TRABD2B: variants seen among roughly 807,000 people sequenced by gnomAD.
TRABD2B encodes metalloprotease TIKI2.
A neutral mutation model predicts 40.1 loss-of-function variants in TRABD2B; 14 were observed. That is an observed-to-expected ratio of 0.35 (90% CI 0.23 to 0.55). The LOEUF is 0.55. Ranked by LOEUF, TRABD2B falls within the 20% of genes least tolerant of loss-of-function variation. The pLI is 0.90. For missense variants in TRABD2B, 541 were observed against 648.6 expected, an observed-to-expected ratio of 0.83 and a Z score of 1.80; for synonymous variants, 263 against 277.0, an observed-to-expected ratio of 0.95 and a Z score of 0.50.
At chr1:47,794,556 A>G in intron 4 of TRABD2B, 30 bp downstream of exon 4, 1 of 1,491,046 alleles carries the variant, frequency 6.7e-7, no homozygotes. Flanking sequence ...AGGATTCTGC[A>G]AACAATCCCT....
intron 2 of TRABD2B, among the ~76,000 whole-genome samples, chr1:47,980,591 G>A (rs1437385483): frequency 6.6e-6 from 1 of 152,166 alleles, no homozygotes; most frequent in African/African-American, 2.4e-5. Flanking sequence ...CTCTAGGCTG[G>A]GGGTGGCCCT....
intron 6 of TRABD2B, among the ~76,000 whole-genome samples, chr1:47,768,005 T>C (rs1644328161): frequency 6.6e-6 from 1 of 152,154 alleles, no homozygotes; most frequent in African/African-American, 2.4e-5. Flanking sequence ...CCACCAAGCA[T>C]ATCCTGACTC....
chr1:47,897,391 T>A (rs1310069068), intron 2 of TRABD2B, among the ~76,000 whole-genome samples: 1 of 151,688 alleles, frequency 6.6e-6, no homozygotes, highest in Non-Finnish European at 1.5e-5. Flanking sequence ...ATAGAAGGAG[T>A]AACCTGCGGA....
At position 47,997,164 on chromosome 1, in the gene TRABD2B, C is replaced by A; in HGVS notation, c.-375G>T. 3.1e-6 allele frequency: 3 copies of A among 983,354 alleles called. No homozygotes were observed. The highest frequency in any genetic ancestry group is 3.6e-6 in the Non-Finnish European group (3 of 829,232). The allele number at this position is 983,354 out of a possible 1,614,324, so 60.9% of individuals were successfully genotyped here. ...GAGAACCCGGGGTGCGCAAGGGTCCCGGGGTTATGCTGGGCACCCGGGGCA... is the reference window on the plus strand; with the variant it reads ...GAGAACCCGGGGTGCGCAAGGGTCCAGGGGTTATGCTGGGCACCCGGGGCA... On this transcript the variant is annotated 5_prime_UTR_variant, in exon 1 of 7. Transcript: ENST00000606738.
intron 2 of TRABD2B, among the ~76,000 whole-genome samples, chr1:47,954,009 A>G (rs1444381558): frequency 6.6e-6 from 1 of 152,260 alleles, no homozygotes; most frequent in East Asian, 1.9e-4. Context: ...CATTTAATTC[A>G]AACTGGCATT....
At chr1:47,855,033 C>CT (rs1170856278) in intron 2 of TRABD2B, among the ~76,000 whole-genome samples, 1 of 152,162 alleles carries the variant, frequency 6.6e-6, no homozygotes, top group Non-Finnish European at 1.5e-5. Context: ...TATAAAATGG[C>CT]TCAGAGTACC....
At chr1:47,953,333 T>A (rs1383914076) in intron 2 of TRABD2B, among the ~76,000 whole-genome samples, 1 of 152,176 alleles carries the variant, frequency 6.6e-6, no homozygotes, top group Non-Finnish European at 1.5e-5. Flanking sequence ...TCCTTAGAGC[T>A]TGGAGAGACG....
intron 2 of TRABD2B, among the ~76,000 whole-genome samples, chr1:47,908,901 T>C (rs1644713303): frequency 1.3e-5 from 2 of 152,236 alleles, no homozygotes; most frequent in Middle Eastern, 3.2e-3. Context: ...CCCGAAGACA[T>C]AGCGGACTTC....
At chr1:47,853,507 G>A (rs1181226392) in intron 2 of TRABD2B, among the ~76,000 whole-genome samples, 1 of 152,156 alleles carries the variant, frequency 6.6e-6, no homozygotes, top group Non-Finnish European at 1.5e-5. Context: ...CATCATGTCT[G>A]ACCTCAAACC....
At position 47,764,882 on chromosome 1, in the gene TRABD2B, A is replaced by T. The variant is rs3850878; in HGVS notation, c.*1020T>A. 0.33 allele frequency: 49,452 copies of T among 152,056 alleles called. 8,319 individuals are homozygous for T. The highest frequency in any genetic ancestry group is 0.39 in the Middle Eastern group (115 of 294). The allele number at this position is 152,056 out of a possible 1,614,324, so 9.4% of individuals were successfully genotyped here. A position where few individuals can be genotyped will look rare whatever the true frequency, so the allele number is the denominator to read the frequency against. On this transcript the variant is annotated 3_prime_UTR_variant, in exon 7 of 7. Transcript: ENST00000606738. The stretch of plus-strand genomic sequence containing the variant: ...TCATCTGTGAAATGGGGATAGTCAC[A>T]TCTCACAGAACTAGCGCAAGAATCA...
At chr1:47,830,729 C>A (rs1645236892) in intron 2 of TRABD2B, among the ~76,000 whole-genome samples, 1 of 152,182 alleles carries the variant, frequency 6.6e-6, no homozygotes, top group Admixed American at 6.5e-5. Flanking sequence ...GCCCAGCCTG[C>A]CTGCATTATT....
At chr1:47,769,251 T>A (rs1329482657) in intron 6 of TRABD2B, among the ~76,000 whole-genome samples, 1 of 152,126 alleles carries the variant, frequency 6.6e-6, no homozygotes, top group Non-Finnish European at 1.5e-5. Context: ...TGCTGCCCCA[T>A]CCTTTCAGCC....
At chr1:47,892,594 TAG>T (rs1644463427) in intron 2 of TRABD2B, among the ~76,000 whole-genome samples, 1 of 152,132 alleles carries the variant, frequency 6.6e-6, no homozygotes, top group Non-Finnish European at 1.5e-5. Context: ...CTCCAGAGTT[TAG>T]AGGTCAGAGA....
chr1:47,907,982 ATTTCT>A (rs1644700698), intron 2 of TRABD2B, among the ~76,000 whole-genome samples: 1 of 152,050 alleles, frequency 6.6e-6, no homozygotes, highest in African/African-American at 2.4e-5. Flanking sequence ...AATTTTCCGT[ATTTCT>A]TTTCTTTTCT....
rs1012669104 is a variant in TRABD2B, at chr1:47,778,361, C to T, written c.1079+93G>A. On this transcript the variant is annotated intron_variant, in intron 5 of 6. Coordinates refer to ENST00000606738, the MANE Select transcript of TRABD2B (RefSeq NM_001194986.2). ...CTTGCTTCCTGGTAGAGACCTGCCT[C>T]TGCCTCACCAGAAGCCTCTTCACAG... The T allele has an allele frequency of 4.4e-6, 4 of 915,086 alleles. No homozygotes were observed. The African/African-American group carries it at 6.6e-5, about 15-fold the overall frequency. 56.7% of individuals were successfully genotyped at this position (915,086 alleles called of 1,614,324 possible).
At chr1:47,990,771 TTA>T (rs55649435) in intron 2 of TRABD2B, among the ~76,000 whole-genome samples, 33 of 36,542 alleles carry the variant, frequency 9.0e-4, no homozygotes, top group Non-Finnish European at 1.3e-3. Flanking sequence ...AACGTTGGTT[TTA>T]TATATATATA....
At chr1:47,801,229 A>G (rs1644818820) in intron 3 of TRABD2B, among the ~76,000 whole-genome samples, 1 of 152,186 alleles carries the variant, frequency 6.6e-6, no homozygotes, top group Admixed American at 6.5e-5. Context: ...CCAGAGTCCT[A>G]GGCCCCAGAG....
intron 2 of TRABD2B, among the ~76,000 whole-genome samples, chr1:47,917,158 G>A (rs556564357): frequency 1.3e-5 from 2 of 152,298 alleles, no homozygotes; most frequent in South Asian, 2.1e-4. Flanking sequence ...CTGGAAGTTG[G>A]TGGGCCACAG....
At chr1:47,921,586 T>C (rs1644902207) in intron 2 of TRABD2B, among the ~76,000 whole-genome samples, 1 of 152,252 alleles carries the variant, frequency 6.6e-6, no homozygotes, top group African/African-American at 2.4e-5. Context: ...TATTCTATGT[T>C]TGTATTTTTG....
Sources: allele counts gnomAD v4.1 joint callset (sites outside exome capture counted in the v4.1 genomes callset), GRCh38; gene constraint gnomAD v4.1.1; transcripts MANE v1.5; gene names NCBI Gene and HGNC (gene_info 2026-07-23, HGNC 2026-07-21).